Variants in YME1L1 observed in about 807,000 individuals in gnomAD.
YME1L1 encodes the protein ATP-dependent zinc metalloprotease YME1L1.
Under a neutral mutation model 90.4 loss-of-function variants are expected in YME1L1, and 39 were observed. The ratio of observed to expected loss-of-function variants is 0.43; its 90% CI spans 0.33 to 0.56. YME1L1 has a LOEUF of 0.56. Among genes scored for constraint, YME1L1 ranks in the 20% least tolerant of loss-of-function variants. The pLI is 0.03. For synonymous variants in YME1L1, 284 were observed against 287.3 expected (o/e 0.99, Z 0.12); for missense variants, 617 against 868.4 (o/e 0.71, Z 3.64).
At chr10:27,117,959 T>C (rs2056830421) in intron 14 of YME1L1, among the ~76,000 whole-genome samples, 1 of 152,234 alleles carries the variant, frequency 6.6e-6, no homozygotes, top group Admixed American at 6.5e-5. Context: ...ATTGTATTAG[T>C]AATCTAGAGA....
intron 3 of YME1L1, among the ~76,000 whole-genome samples, chr10:27,143,976 G>GAA (rs2057117081): frequency 6.6e-6 from 1 of 152,026 alleles, no homozygotes; most frequent in Non-Finnish European, 1.5e-5. Context: ...AGATCCTAGG[G>GAA]AAAAGATCAT....
At chr10:27,148,031 C>T (rs1293053597) in intron 2 of YME1L1, among the ~76,000 whole-genome samples, 1 of 152,144 alleles carries the variant, frequency 6.6e-6, no homozygotes, top group Non-Finnish European at 1.5e-5. Flanking sequence ...GGATGGAGAA[C>T]TCTTCCTGAC....
At position 27,126,759 on chromosome 10, in the gene YME1L1, C is replaced by G; in HGVS notation, c.886G>C (p.Glu296Gln). The change falls in exon 9 of 19, where the codon GAA (glutamate) becomes CAA (glutamine). Residue 296 changes from glutamate to glutamine, a missense_variant. Glu to Gln is a conservative substitution (Grantham distance 29). Around this residue, in one of 4 missense-constraint regions of YME1L1, gnomAD observed 93 missense variants for 184.8 expected, o/e 0.50. Coordinates refer to ENST00000376016, the MANE Select transcript of YME1L1 (RefSeq NM_014263.4). ...GGATTTTTCAAGAATTCAACAACTT[C>G]CTGTAATTCTTGTTTAGCTTCCTCC... The part of the protein sequence containing the change: ...GVEEAKQELQ[E>Q]VVEFLKNPQK... The G allele has an allele frequency of 6.3e-7, 1 of 1,589,792 alleles. No individual in the cohort carries two copies. The highest frequency in any genetic ancestry group is 8.5e-7 in the Non-Finnish European group (1 of 1,170,964).
At chr10:27,148,669 G>T (rs553219569) in intron 2 of YME1L1, among the ~76,000 whole-genome samples, 1 of 152,014 alleles carries the variant, frequency 6.6e-6, no homozygotes, top group Admixed American at 6.6e-5. Flanking sequence ...TTACTTTATT[G>T]TAAGAATACA....
At chr10:27,143,992 G>T (rs2057117397) in intron 3 of YME1L1, among the ~76,000 whole-genome samples, 2 of 152,138 alleles carry the variant, frequency 1.3e-5, no homozygotes, top group African/African-American at 4.8e-5. Flanking sequence ...ATCATCAGCA[G>T]CAACAGCAGA....
At chr10:27,113,855 C>A (rs538617257) in intron 18 of YME1L1, among the ~76,000 whole-genome samples, 5 of 150,420 alleles carry the variant, frequency 3.3e-5, no homozygotes, top group African/African-American at 7.3e-5. Flanking sequence ...CCACAAAAAA[C>A]CAACAATAAA....
intron 17 of YME1L1, among the ~76,000 whole-genome samples, chr10:27,115,383 C>G (rs1284592986): frequency 6.7e-6 from 1 of 149,848 alleles, no homozygotes. Flanking sequence ...GTGCAGTGGA[C>G]TCACTGTAGC....
intron 9 of YME1L1, among the ~76,000 whole-genome samples, chr10:27,125,547 G>A (rs1282275478): frequency 6.6e-6 from 1 of 151,686 alleles, no homozygotes; most frequent in African/African-American, 2.4e-5. Context: ...TAGGGATCAG[G>A]GCAACACTAC....
At chr10:27,121,295 A>G (rs1564457325) in intron 12 of YME1L1, 91 bp downstream of exon 12, 2 of 873,736 alleles carry the variant, frequency 2.3e-6, no homozygotes, top group Non-Finnish European at 3.8e-6. Flanking sequence ...GGAATCATAC[A>G]GTGTTGATGT....
intron 2 of YME1L1, chr10:27,147,430 G>A: frequency 6.2e-7 from 1 of 1,613,472 alleles, no homozygotes; most frequent in Admixed American, 1.7e-5. Flanking sequence ...CCTGAACTAA[G>A]CCGTGACTAA....
At chr10:27,145,349 T>C (rs1030090212) in intron 3 of YME1L1, 79 bp downstream of exon 3, 4 of 1,213,408 alleles carry the variant, frequency 3.3e-6, no homozygotes, top group South Asian at 2.2e-5. Flanking sequence ...TAAACGCTAC[T>C]GTGAAAGCTA....
chr10:27,128,103 A>C (rs2056939315), intron 8 of YME1L1, among the ~76,000 whole-genome samples: 1 of 152,204 alleles, frequency 6.6e-6, no homozygotes, highest in Admixed American at 6.5e-5. Context: ...AGTTAATGGG[A>C]TCAAGGTAAT....
At chr10:27,140,535 G>C (rs562396004) in intron 4 of YME1L1, among the ~76,000 whole-genome samples, 1 of 152,240 alleles carries the variant, frequency 6.6e-6, no homozygotes, top group African/African-American at 2.4e-5. Flanking sequence ...CTGGAGTTCA[G>C]TGGCGCGGTC....
At chr10:27,118,582 G>A (rs1348990180) in intron 14 of YME1L1, among the ~76,000 whole-genome samples, 2 of 152,092 alleles carry the variant, frequency 1.3e-5, no homozygotes, top group South Asian at 4.1e-4. Context: ...GAGCCACCAC[G>A]CCCAGTCTAC....
At chr10:27,132,896 A>C (rs1296913128) in intron 7 of YME1L1, among the ~76,000 whole-genome samples, 3 of 152,180 alleles carry the variant, frequency 2.0e-5, no homozygotes, top group African/African-American at 7.2e-5. Flanking sequence ...AAAATCAAAA[A>C]TTATTTTCTA....
intron 9 of YME1L1, among the ~76,000 whole-genome samples, chr10:27,125,516 G>C (rs1282952308): frequency 6.6e-6 from 1 of 150,920 alleles, no homozygotes; most frequent in Admixed American, 6.6e-5. Flanking sequence ...CCTGGATTAG[G>C]TCCTGAACTG....
chr10:27,142,500 C>T lies in YME1L1; in HGVS notation c.332-15G>A. 7.4e-7 allele frequency: 1 copy of T among 1,360,330 alleles called. No homozygotes were observed. Among genetic ancestry groups the T allele is most frequent in the South Asian group, 1.7e-5 (1 of 58,702 alleles). The allele number at this position is 1,360,330 out of a possible 1,614,324, so 84.3% of individuals were successfully genotyped here. On this transcript the variant is annotated splice_polypyrimidine_tract_variant and intron_variant, in intron 3 of 18. Coordinates refer to ENST00000376016, the MANE Select transcript of YME1L1 (RefSeq NM_014263.4). ...ATCTAAGTTACCTGGAGGGAAATTG[C>T]AAAAAGTAAATTTTCTAATTTCCAA...
chr10:27,120,358 TCATGAAAGGAC>T (rs932170368), intron 13 of YME1L1, 66 bp downstream of exon 13: 4 of 990,338 alleles, frequency 4.0e-6, no homozygotes, highest in Middle Eastern at 2.8e-4. Flanking sequence ...AATACATGTA[TCATGAAAGGAC>T]CACAAACAGG....
At chr10:27,149,368 A>T (rs1292525361) in intron 1 of YME1L1, among the ~76,000 whole-genome samples, 1 of 152,186 alleles carries the variant, frequency 6.6e-6, no homozygotes, top group Admixed American at 6.5e-5. Flanking sequence ...AACATTTAAA[A>T]AATAGTAGAA....
Sources: allele counts gnomAD v4.1 joint callset (sites outside exome capture counted in the v4.1 genomes callset), GRCh38; gene constraint gnomAD v4.1.1; regional missense constraint gnomAD v4.1.1; transcripts MANE v1.5; gene names NCBI Gene and HGNC (gene_info 2026-07-23, HGNC 2026-07-21).